TENM3: variants seen among roughly 807,000 people sequenced by gnomAD.
TENM3 encodes the protein teneurin-3.
TENM3 carries 63 observed loss-of-function variants against 255.1 expected under a neutral mutation model. That is an observed-to-expected ratio of 0.25 (90% CI 0.20 to 0.30). TENM3 has a LOEUF of 0.30. Among genes scored for constraint, TENM3 ranks in the 10% least tolerant of loss-of-function variants. TENM3 has a pLI of 1.00. For missense variants in TENM3, 2,929 were observed against 3,461.1 expected, an observed-to-expected ratio of 0.85 and a Z score of 3.86; for synonymous variants, 1,306 against 1,322.3, an observed-to-expected ratio of 0.99 and a Z score of 0.27.
intron 3 of TENM3, among the ~76,000 whole-genome samples, chr4:182,532,182 G>C (rs1344605114): frequency 6.6e-6 from 1 of 152,174 alleles, no homozygotes; most frequent in Non-Finnish European, 1.5e-5. Context: ...AGGCAGTCTA[G>C]CATATAATAA....
the TENM3 span, among the ~76,000 whole-genome samples, chr4:181,807,207 G>C: frequency 6.6e-6 from 1 of 152,184 alleles, no homozygotes; most frequent in African/African-American, 2.4e-5. Flanking sequence ...ACAGGAGAGA[G>C]CACAACTTCT....
chr4:181,841,610 G>T, the TENM3 span, among the ~76,000 whole-genome samples: 1 of 151,998 alleles, frequency 6.6e-6, no homozygotes, highest in Non-Finnish European at 1.5e-5. Flanking sequence ...TGACATTTCA[G>T]TTTTCTTATA....
the TENM3 span, among the ~76,000 whole-genome samples, chr4:181,677,186 T>C: frequency 1.3e-5 from 2 of 152,012 alleles, no homozygotes; most frequent in Non-Finnish European, 2.9e-5. Flanking sequence ...TGCCCATGAT[T>C]CACAAATTTT....
At chr4:181,496,854 G>A in the TENM3 span, among the ~76,000 whole-genome samples, 1 of 152,164 alleles carries the variant, frequency 6.6e-6, no homozygotes, top group African/African-American at 2.4e-5. Flanking sequence ...TATATTAATT[G>A]TATCTGGATA....
the TENM3 span, among the ~76,000 whole-genome samples, chr4:181,817,150 T>G: frequency 6.6e-6 from 1 of 152,186 alleles, no homozygotes; most frequent in African/African-American, 2.4e-5. Flanking sequence ...CTGTAGATAT[T>G]CAGTAGTTAT....
At chr4:182,022,665 C>T in the TENM3 span, among the ~76,000 whole-genome samples, 4 of 151,922 alleles carry the variant, frequency 2.6e-5, no homozygotes, top group Non-Finnish European at 5.9e-5. Flanking sequence ...ATATTCCTGC[C>T]GTAATTTTCC....
At chr4:181,917,578 C>T in the TENM3 span, among the ~76,000 whole-genome samples, 3 of 151,642 alleles carry the variant, frequency 2.0e-5, no homozygotes, top group African/African-American at 7.3e-5. Flanking sequence ...CAGCACTCTA[C>T]ACATCAGTTC....
At chr4:181,582,228 G>A in the TENM3 span, among the ~76,000 whole-genome samples, 4 of 152,018 alleles carry the variant, frequency 2.6e-5, no homozygotes, top group African/African-American at 9.7e-5. Context: ...CATAGGGCAC[G>A]GGCCTGTCTC....
the TENM3 span, among the ~76,000 whole-genome samples, chr4:181,849,415 A>G: frequency 1.3e-5 from 2 of 152,300 alleles, no homozygotes; most frequent in East Asian, 3.9e-4. Flanking sequence ...CAACAGAAAC[A>G]TTTTCAGCAA....
chr4:182,608,672 C>T (rs1297980235), intron 4 of TENM3, among the ~76,000 whole-genome samples: 1 of 152,142 alleles, frequency 6.6e-6, no homozygotes, highest in East Asian at 1.9e-4. Context: ...CGTCCTAGCG[C>T]TTCTGCAGGC....
chr4:182,207,489 C>CA (rs1258218822), intron 1 of TENM3, among the ~76,000 whole-genome samples: 5 of 152,136 alleles, frequency 3.3e-5, no homozygotes, highest in East Asian at 1.9e-4. Context: ...CCAGCCCATG[C>CA]AAAAAGATAT....
chr4:182,778,945 TC>T (rs1396655518), intron 24 of TENM3, among the ~76,000 whole-genome samples: 1 of 136,706 alleles, frequency 7.3e-6, no homozygotes, highest in African/African-American at 3.3e-5. Flanking sequence ...TATATTTTTT[TC>T]TTTTTTTTTT....
chr4:181,773,204 G>C, the TENM3 span, among the ~76,000 whole-genome samples: 1 of 152,070 alleles, frequency 6.6e-6, no homozygotes, highest in East Asian at 1.9e-4. Flanking sequence ...CCGTCACCCA[G>C]GGAGTTTTTC....
the TENM3 span, among the ~76,000 whole-genome samples, chr4:181,863,731 T>A: frequency 6.6e-6 from 1 of 152,040 alleles, no homozygotes; most frequent in Non-Finnish European, 1.5e-5. Flanking sequence ...AACTTCCATC[T>A]CTTTATGGAA....
At chr4:181,593,503 A>G in the TENM3 span, among the ~76,000 whole-genome samples, 1 of 152,216 alleles carries the variant, frequency 6.6e-6, no homozygotes, top group Admixed American at 6.5e-5. Flanking sequence ...TGATAAGTAC[A>G]GTTGTACATA....
the TENM3 span, among the ~76,000 whole-genome samples, chr4:181,848,156 A>T: frequency 1.3e-5 from 2 of 152,206 alleles, no homozygotes; most frequent in East Asian, 3.8e-4. Context: ...TTAGAATCTC[A>T]TCTTAAAACT....
chr4:181,452,021 C>T, the TENM3 span, among the ~76,000 whole-genome samples: 11 of 152,036 alleles, frequency 7.2e-5, no homozygotes, highest in Middle Eastern at 3.4e-3. Context: ...CCTGGAGAGT[C>T]GGCAACATGG....
the TENM3 span, among the ~76,000 whole-genome samples, chr4:181,851,224 T>C: frequency 6.6e-6 from 1 of 152,186 alleles, no homozygotes; most frequent in African/African-American, 2.4e-5. Flanking sequence ...TTTCTAACTT[T>C]CTTTGGGGCA....
chr4:182,480,281 A>G (rs956476403), intron 3 of TENM3, among the ~76,000 whole-genome samples: 2 of 152,066 alleles, frequency 1.3e-5, no homozygotes, highest in Middle Eastern at 3.2e-3. Flanking sequence ...TCTTGAGTGG[A>G]GTCTAGAATT....
Sources: allele counts gnomAD v4.1 joint callset (sites outside exome capture counted in the v4.1 genomes callset), GRCh38; gene constraint gnomAD v4.1.1; transcripts MANE v1.5; gene names NCBI Gene and HGNC (gene_info 2026-07-23, HGNC 2026-07-21).